The following PGM1 variants were observed in gnomAD, a reference collection of about 807,000 sequenced individuals.
PGM1 encodes the protein phosphoglucomutase 1.
A neutral mutation model predicts 55.6 loss-of-function variants in PGM1; 52 were observed. The ratio of observed to expected loss-of-function variants is 0.94; its 90% confidence interval spans 0.75 to 1.18. PGM1 has a LOEUF of 1.18. Ranked by LOEUF, PGM1 falls within the 50% of genes most tolerant of loss-of-function variation. PGM1 has a pLI of 0.00. For synonymous variants in PGM1, 287 were observed against 271.7 expected (o/e 1.06, Z -0.55); for missense variants, 724 against 729.3 (o/e 0.99, Z 0.08).
chr1:63,640,480 A>C (rs1649485033), intron 7 of PGM1, among the ~76,000 whole-genome samples: 2 of 152,092 alleles, frequency 1.3e-5, no homozygotes, highest in Admixed American at 1.3e-4. Context: ...TTTTGCCTAA[A>C]TATAGTTTAC....
intron 1 of PGM1, among the ~76,000 whole-genome samples, chr1:63,613,069 C>G (rs1648610744): frequency 6.6e-6 from 1 of 152,060 alleles, no homozygotes; most frequent in South Asian, 2.1e-4. Flanking sequence ...TCTCTCCATA[C>G]CACAGAGCAA....
chr1:63,614,328 G>T lies in PGM1; in HGVS notation c.247-15097G>T, dbSNP rs182870760. Among the ~76,000 whole-genome samples, 401 of 152,222 alleles carry T rather than the reference G, an allele frequency of 2.6e-3. 1 individual carries two copies. The highest frequency in any genetic ancestry group is 9.1e-3 in the African/African-American group (379 of 41,530). ...AGACCCTTTTTAATAGTTATGTAGC[G>T]CTACAGTCTAGGGGTTCCTAAACTT... On this transcript the variant is annotated intron_variant, in intron 1 of 10. Coordinates refer to ENST00000371084, the MANE Select transcript of PGM1 (RefSeq NM_002633.3).
At chr1:63,647,330 T>A (rs1649684757) in intron 7 of PGM1, among the ~76,000 whole-genome samples, 2 of 131,692 alleles carry the variant, frequency 1.5e-5, no homozygotes. Flanking sequence ...CTACCTTAAG[T>A]GCTATCCACT....
Position 63,640,476 on chromosome 1 carries a change from CTAAA to C in PGM1, c.1144+1679_1144+1682del, listed in dbSNP as rs3831888. ...AAGAATCCTGTTAGTACAGTTTTGCCTAAATATAGTTTACCACTATATATAATAA... is the reference window on the plus strand; with the variant it reads ...AAGAATCCTGTTAGTACAGTTTTGCCTATAGTTTACCACTATATATAATAA... On this transcript the variant is annotated intron_variant, in intron 7 of 10. Transcript: ENST00000371084. Among the ~76,000 whole-genome samples the C allele has an allele frequency of 5.1e-4, 78 of 152,204 alleles. 3 individuals carry two copies. In the East Asian group the frequency reaches 0.011, roughly 21 times the overall value.
At chr1:63,626,108 A>C (rs370750215) in intron 1 of PGM1, among the ~76,000 whole-genome samples, 1 of 152,198 alleles carries the variant, frequency 6.6e-6, no homozygotes, top group Non-Finnish European at 1.5e-5. Flanking sequence ...TAAGGAAGGA[A>C]GTCGTGGGAA....
At position 63,659,729 on chromosome 1, in the gene PGM1, C is replaced by A; in HGVS notation, c.*54C>A. On this transcript the variant is annotated 3_prime_UTR_variant, in exon 11 of 11. Coordinates refer to ENST00000371084, the MANE Select transcript of PGM1 (RefSeq NM_002633.3). ...CCACCCCCGGACCCATCCAAGTCATCTGATTGAAGAGCATGACAGAAACAA... is the reference window on the plus strand; with the variant it reads ...CCACCCCCGGACCCATCCAAGTCATATGATTGAAGAGCATGACAGAAACAA... 7.6e-7 allele frequency: 1 copy of A among 1,314,160 alleles called. No homozygotes were observed. The highest frequency in any genetic ancestry group is 1.1e-6 in the Non-Finnish European group (1 of 906,346). 81.4% of individuals were successfully genotyped at this position (1,314,160 alleles called of 1,614,324 possible).
intron 8 of PGM1, among the ~76,000 whole-genome samples, chr1:63,649,384 T>C (rs1180633375): frequency 6.6e-6 from 1 of 152,230 alleles, no homozygotes; most frequent in Non-Finnish European, 1.5e-5. Context: ...CAGTAGTACT[T>C]TTCACTAATT....
At position 63,593,701 on chromosome 1, in the gene PGM1, C is replaced by G. The variant is rs1343141255; in HGVS notation, c.213C>G (p.Ile71Met). The G allele has an allele frequency of 2.0e-5, 32 of 1,602,454 alleles. No homozygotes were observed. Among genetic ancestry groups the G allele is most frequent in the Non-Finnish European group, 2.7e-5 (32 of 1,176,196 alleles). ...GCCGGTTCTACATGAAGGAGGCCAT[C>G]CAGCTCATCGCTCGCATCGCTGCCG... ...GDGRFYMKEA[I>M]QLIARIAAAN... The change falls in exon 1 of 11, where the codon ATC (isoleucine) becomes ATG (methionine). Residue 71 changes from isoleucine to methionine, a missense_variant. Ile to Met is a conservative substitution (Grantham distance 10). This residue lies in a region of PGM1 where 379 missense variants were observed against 357.5 expected (regional missense o/e 1.06). Transcript: ENST00000371084.
chr1:63,649,545 C>T (rs1363040217), intron 8 of PGM1, among the ~76,000 whole-genome samples: 1 of 152,158 alleles, frequency 6.6e-6, no homozygotes, highest in Non-Finnish European at 1.5e-5. Flanking sequence ...CTCTGGACCT[C>T]AGTTGCCTGT....
rs768989917 is a variant in PGM1, at chr1:63,654,415, G to A, written c.1548G>A (p.Leu516=). The part of the protein sequence containing the change: ...GTGSAGATIR[L]YIDSYEKDVA... ...GGAGTGCCGGGGCCACCATTCGGCT[G>A]TACATCGATAGCTATGAGAAGGACG... The change falls in exon 10 of 11, where the codon CTG becomes CTA. Residue 516 remains leucine, a synonymous_variant. Coordinates refer to ENST00000371084, the MANE Select transcript of PGM1 (RefSeq NM_002633.3). The A allele has an allele frequency of 9.9e-6, 16 of 1,614,070 alleles. No individual in the cohort carries two copies. Among genetic ancestry groups the A allele is most frequent in the South Asian group, 5.5e-5 (5 of 91,082 alleles).
At chr1:63,594,125 T>C in intron 1 of PGM1, 1 of 1,003,942 alleles carries the variant, frequency 1.0e-6, no homozygotes, top group Non-Finnish European at 1.2e-6. Flanking sequence ...CGCAGAGTGC[T>C]GTCGCCTTAA....
chr1:63,630,573 T>C (rs527833260), intron 3 of PGM1, among the ~76,000 whole-genome samples: 50 of 152,258 alleles, frequency 3.3e-4, no homozygotes, highest in Admixed American at 1.2e-3. Flanking sequence ...TCAACTCAGG[T>C]TTGAATGATT....
intron 1 of PGM1, 26 bp from the exon 2 acceptor site, chr1:63,629,399 A>T (rs1372501963): frequency 6.2e-7 from 1 of 1,606,718 alleles, no homozygotes; most frequent in Admixed American, 1.7e-5. Context: ...GATGTTAAAG[A>T]GTGTGTTCTG....
intron 1 of PGM1, chr1:63,594,149 G>A: frequency 1.0e-6 from 1 of 993,316 alleles, no homozygotes; most frequent in Non-Finnish European, 1.2e-6. Context: ...GGAAAGGTTA[G>A]ACTGCCGCCG....
chr1:63,597,553 A>G (rs371042504), intron 1 of PGM1, among the ~76,000 whole-genome samples: 1 of 152,200 alleles, frequency 6.6e-6, no homozygotes, highest in East Asian at 1.9e-4. Flanking sequence ...GCCTCAACCA[A>G]TATAGAGGGG....
At chr1:63,622,682 G>A (rs1184073358) in intron 1 of PGM1, among the ~76,000 whole-genome samples, 2 of 152,160 alleles carry the variant, frequency 1.3e-5, no homozygotes, top group Non-Finnish European at 2.9e-5. Flanking sequence ...CAAGCTGTTG[G>A]TTATTCAGGG....
intron 10 of PGM1, among the ~76,000 whole-genome samples, chr1:63,659,319 A>G (rs548096954): frequency 2.0e-5 from 3 of 152,218 alleles, no homozygotes; most frequent in Non-Finnish European, 4.4e-5. Context: ...AGGCCTGCTC[A>G]TGGACTGGGC....
chr1:63,622,918 G>A (rs1285090157), intron 1 of PGM1, among the ~76,000 whole-genome samples: 4 of 152,190 alleles, frequency 2.6e-5, no homozygotes, highest in African/African-American at 4.8e-5. Flanking sequence ...GTGGCATGGG[G>A]CAACTTTAGC....
At position 63,654,392 on chromosome 1, in the gene PGM1, A is replaced by T. The variant is rs373881171; in HGVS notation, c.1525A>T (p.Ser509Cys). The T allele has an allele frequency of 2.9e-5, 47 of 1,613,892 alleles. No homozygotes were observed. Among genetic ancestry groups the T allele is most frequent in the African/African-American group, 2.7e-4 (20 of 74,922 alleles). The change falls in exon 10 of 11, where the codon AGT becomes TGT. Residue 509 changes from serine (S) to cysteine (C), a missense_variant. Physicochemically the swap from Ser to Cys is moderately radical, Grantham distance 112. This residue lies in a region of PGM1 where 316 missense variants were observed against 313.1 expected (regional missense o/e 1.01). Transcript: ENST00000371084. ...CGTCTTCCGACTGAGCGGCACTGGG[A>T]GTGCCGGGGCCACCATTCGGCTGTA... Reference protein sequence around the residue: ...RIVFRLSGTGSAGATIRLYID... With the variant: ...RIVFRLSGTGCAGATIRLYID...
Sources: gnomAD v4.1 joint callset for allele counts (sites outside exome capture counted in the v4.1 genomes callset) on GRCh38, gnomAD v4.1.1 for gene constraint, gnomAD v4.1.1 regional missense constraint, MANE v1.5 for transcripts, NCBI Gene and HGNC (gene_info 2026-07-23, HGNC 2026-07-21) for gene names.